Variants in RUFY1 observed in about 807,000 individuals in gnomAD.
RUFY1 encodes the protein RUN and FYVE domain-containing protein 1.
RUFY1 carries 54 observed loss-of-function variants against 94.6 expected under a neutral mutation model. The ratio of observed to expected loss-of-function variants is 0.57; its 90% CI spans 0.46 to 0.72. The LOEUF is 0.72. Ranked by LOEUF, RUFY1 falls within the 30% of genes least tolerant of loss-of-function variation. The probability of loss-of-function intolerance (pLI) is 0.00; values close to 1 mark genes in which losing one functional copy is unlikely to be tolerated. For synonymous variants in RUFY1, 396 were observed against 347.3 expected (o/e 1.14, Z -1.56); for missense variants, 883 against 883.9 (o/e 1.00, Z 0.01).
In RUFY1 at chr5:179,609,468, C is replaced by A. The variant is rs745394269; in HGVS notation, c.2076C>A (p.Cys692Ter). ...CCTACCCCAAGCCGGTGCGAGTGTG[C>A]GACAGCTGCCACACCCTGCTCCTGC... ...LPSYPKPVRV[C>*]DSCHTLLLQR... is the part of the protein sequence containing the mutation. The change falls in exon 18 of 18, where the codon TGC (cysteine) becomes TGA (stop). Residue 692 changes from cysteine to a stop codon, truncating the protein, a stop_gained. Coordinates refer to ENST00000319449, the MANE Select transcript of RUFY1 (RefSeq NM_025158.5). LOFTEE classifies it high-confidence loss of function. 1 of 1,610,598 alleles carries A rather than the reference C, an allele frequency of 6.2e-7. No individual in the cohort carries two copies. The highest frequency in any genetic ancestry group is 8.5e-7 in the Non-Finnish European group (1 of 1,179,522).
At chr5:179,590,361 AAAAG>A (rs1184966239) in intron 9 of RUFY1, among the ~76,000 whole-genome samples, 2 of 151,246 alleles carry the variant, frequency 1.3e-5, no homozygotes, top group African/African-American at 2.4e-5. Flanking sequence ...CTCAAAAAAA[AAAAG>A]AGAGACCATA....
intron 6 of RUFY1, among the ~76,000 whole-genome samples, chr5:179,580,303 C>T (rs1243325676): frequency 2.0e-5 from 3 of 147,582 alleles, no homozygotes; most frequent in Non-Finnish European, 4.5e-5. Context: ...AGTGCAGTGG[C>T]GCCATCTCGG....
In RUFY1 at chr5:179,607,425, C is replaced by T. The variant is rs893622449; in HGVS notation, c.1906-157C>T. Reference sequence around the variant, plus strand: ...GCTGCGGCCAGACGGGGAAAGAGCCCCTTGATGACAGTCCTGTGAGGCCCC... The same window carrying T: ...GCTGCGGCCAGACGGGGAAAGAGCCTCTTGATGACAGTCCTGTGAGGCCCC... On this transcript the variant is annotated intron_variant, in intron 16 of 17. Transcript: ENST00000319449. 1.8e-5 allele frequency: 12 copies of T among 665,686 alleles called. 1 individual carries two copies. The highest frequency in any genetic ancestry group is 1.6e-4 in the South Asian group (9 of 56,508). The allele number at this position is 665,686 out of a possible 1,614,324, so 41.2% of individuals were successfully genotyped here. A position where few individuals can be genotyped will look rare whatever the true frequency, so the allele number is the denominator to read the frequency against.
chr5:179,594,971 C>T lies in RUFY1; in HGVS notation c.1511+8C>T. The T allele has an allele frequency of 6.3e-7, 1 of 1,579,490 alleles. No individual in the cohort carries two copies. The highest frequency in any genetic ancestry group is 8.7e-7 in the Non-Finnish European group (1 of 1,149,240). ...GAAACAAATGGAAGAAAGGTAATCA[C>T]TTCCCCCTGGCAGATATTCTCGGGA... is the stretch of plus-strand genomic sequence containing the variant. On this transcript the variant is annotated splice_region_variant and intron_variant, in intron 12 of 17. Transcript: ENST00000319449.
At chr5:179,604,605 C>T (rs1766846468) in intron 15 of RUFY1, among the ~76,000 whole-genome samples, 1 of 152,184 alleles carries the variant, frequency 6.6e-6, no homozygotes, top group South Asian at 2.1e-4. Flanking sequence ...GAAGTCTAGC[C>T]TGTGTTTCCC....
intron 3 of RUFY1, among the ~76,000 whole-genome samples, chr5:179,566,236 C>T (rs2127520227): frequency 6.6e-6 from 1 of 151,688 alleles, no homozygotes; most frequent in South Asian, 2.1e-4. Flanking sequence ...TTCTTTCTTT[C>T]TTTCCTTTTC....
At chr5:179,598,484 G>A (rs1765920638) in intron 13 of RUFY1, 8 of 611,994 alleles carry the variant, frequency 1.3e-5, no homozygotes, top group Non-Finnish European at 2.3e-5. Context: ...AGTGTCAAGT[G>A]TGTGCCTGCA....
chr5:179,567,315 C>T (rs1479327728), intron 3 of RUFY1, 146 bp from the exon 4 acceptor site: 2 of 637,306 alleles, frequency 3.1e-6, no homozygotes, highest in Non-Finnish European at 5.6e-6. Context: ...CATGTGCATC[C>T]CTCCCCAACC....
intron 9 of RUFY1, among the ~76,000 whole-genome samples, chr5:179,591,304 C>G (rs184827531): frequency 1.5e-4 from 23 of 152,220 alleles, no homozygotes; most frequent in Non-Finnish European, 2.6e-4. Flanking sequence ...CCTGCCTCAG[C>G]CTCCCAAGTA....
At chr5:179,577,869 A>C (rs1373823629) in intron 6 of RUFY1, among the ~76,000 whole-genome samples, 1 of 55,442 alleles carries the variant, frequency 1.8e-5, no homozygotes, top group Admixed American at 2.5e-4. Flanking sequence ...CAAAAAAAAA[A>C]AAAAAAAAAA....
intron 5 of RUFY1, among the ~76,000 whole-genome samples, 185 bp downstream of exon 5, chr5:179,569,610 C>T (rs987265814): frequency 2.6e-5 from 4 of 152,000 alleles, no homozygotes; most frequent in Admixed American, 2.6e-4. Flanking sequence ...GAGGTACACA[C>T]GGAAAGCTTG....
rs138505349 is a variant in RUFY1, at chr5:179,593,271, T to A, written c.1246-207T>A. On this transcript the variant is annotated intron_variant, in intron 10 of 17. Transcript: ENST00000319449. The stretch of plus-strand genomic sequence containing the variant: ...TTTTGTATTTTTAGTAGAGATGGGG[T>A]TTCGCCATCTTGGCCAGGCTGCTCT... Among the ~76,000 whole-genome samples the A allele has an allele frequency of 5.9e-3, 894 of 151,622 alleles. 8 individuals carry two copies. Among genetic ancestry groups the A allele is most frequent in the African/African-American group, 0.021 (870 of 41,300 alleles).
intron 3 of RUFY1, among the ~76,000 whole-genome samples, chr5:179,565,178 T>C (rs1762749950): frequency 7.3e-6 from 1 of 137,176 alleles, no homozygotes; most frequent in Non-Finnish European, 1.6e-5. Flanking sequence ...TTTTTTTTTT[T>C]TTTTTTTTTT....
In RUFY1 at chr5:179,596,670, G is replaced by A. The variant is rs758814517; in HGVS notation, c.1620G>A (p.Leu540=). 6.2e-7 allele frequency: 1 copy of A among 1,602,876 alleles called. No individual in the cohort carries two copies. The highest frequency in any genetic ancestry group is 1.1e-5 in the South Asian group (1 of 89,786). ...IGALQLQLSQ[L]HEQCSSLEKE... ...CCCTGCAGCTGCAGCTCTCCCAGCT[G>A]CACGAGCAATGGTAGGGGCCCTGCA... The change falls in exon 13 of 18, where the codon CTG becomes CTA. Residue 540 remains leucine, a synonymous_variant. Coordinates refer to ENST00000319449, the MANE Select transcript of RUFY1 (RefSeq NM_025158.5).
chr5:179,588,272 G>C (rs779908189), intron 8 of RUFY1, among the ~76,000 whole-genome samples: 1 of 152,110 alleles, frequency 6.6e-6, no homozygotes, highest in South Asian at 2.1e-4. Flanking sequence ...TCAGTGCTTC[G>C]AGGTCCCTCC....
In RUFY1 at chr5:179,601,877, G is replaced by T. The variant is rs759845939; in HGVS notation, c.1762-15G>T. On this transcript the variant is annotated splice_polypyrimidine_tract_variant and intron_variant, in intron 14 of 17. Coordinates refer to ENST00000319449, the MANE Select transcript of RUFY1 (RefSeq NM_025158.5). ...TAATCCTCTGTCCAGCATCTGGTTG[G>T]TTTGTTCATTTTAGGAGTTGCGGGA... 1.2e-5 allele frequency: 18 copies of T among 1,523,100 alleles called. No individual in the cohort carries two copies. The Admixed American group carries it at 3.0e-4, about 26-fold the overall frequency. The allele number at this position is 1,523,100 out of a possible 1,614,324, so 94.3% of individuals were successfully genotyped here.
At chr5:179,586,111 T>C (rs1020378497) in intron 8 of RUFY1, among the ~76,000 whole-genome samples, 1 of 152,132 alleles carries the variant, frequency 6.6e-6, no homozygotes, top group Non-Finnish European at 1.5e-5. Context: ...AGTCATCCCA[T>C]AGAAGGAAAT....
At chr5:179,582,002 G>A (rs1227943191) in intron 7 of RUFY1, among the ~76,000 whole-genome samples, 1 of 151,966 alleles carries the variant, frequency 6.6e-6, no homozygotes, top group African/African-American at 2.4e-5. Flanking sequence ...CTTCTTAACT[G>A]TGATGTTGGC....
intron 8 of RUFY1, among the ~76,000 whole-genome samples, chr5:179,587,200 A>G (rs1193690682): frequency 6.6e-6 from 1 of 151,320 alleles, no homozygotes; most frequent in Non-Finnish European, 1.5e-5. Context: ...CTACAGGTAC[A>G]CACCACCAAC....
Sources: allele counts gnomAD v4.1 joint callset (sites outside exome capture counted in the v4.1 genomes callset), GRCh38; gene constraint gnomAD v4.1.1; transcripts MANE v1.5; gene names NCBI Gene and HGNC (gene_info 2026-07-23, HGNC 2026-07-21).